The following APH1A variants were observed in gnomAD, a reference collection of about 807,000 sequenced individuals.
APH1A encodes the protein gamma-secretase subunit APH-1A.
A neutral mutation model predicts 30.3 loss-of-function variants in APH1A; 16 were observed. The observed-to-expected ratio is 0.53, with a 90% confidence interval of 0.36 to 0.80. The LOEUF (loss-of-function observed/expected upper bound fraction) is 0.80, where lower values mean the gene tolerates loss of function less well. Ranked by LOEUF, APH1A falls within the 30% of genes least tolerant of loss-of-function variation. APH1A has a pLI of 0.01. For missense variants in APH1A, 245 were observed against 337.8 expected, an observed-to-expected ratio of 0.73 and a Z score of 2.15; for synonymous variants, 144 against 140.1, an observed-to-expected ratio of 1.03 and a Z score of -0.20.
chr1:150,266,713 A>G (rs1382094788), intron 5 of APH1A, 57 bp from the exon 6 acceptor site: 28 of 1,582,864 alleles, frequency 1.8e-5, no homozygotes, highest in African/African-American at 2.7e-5. Flanking sequence ...CCTAATCCCC[A>G]TATTCTCTCT....
Position 150,266,022 on chromosome 1 carries a change from T to C in APH1A, c.*108A>G. The C allele has an allele frequency of 7.5e-7, 1 of 1,328,730 alleles. No individual in the cohort carries two copies. The highest frequency in any genetic ancestry group is 1.0e-6 in the Non-Finnish European group (1 of 977,598). The allele number at this position is 1,328,730 out of a possible 1,614,324, so 82.3% of individuals were successfully genotyped here. On this transcript the variant is annotated 3_prime_UTR_variant, in exon 7 of 7. Coordinates refer to ENST00000369109, the MANE Select transcript of APH1A (RefSeq NM_001077628.3). The stretch of plus-strand genomic sequence containing the variant: ...TTCATCTCCAGGGCAATGGCTAAAC[T>C]AGGTCCCTTTTCTTGGCAACCTGCA...
In APH1A at chr1:150,266,046, C is replaced by A; in HGVS notation, c.*84G>T. ...CTAGGTCCCTTTTCTTGGCAACCTG[C>A]ACTGTCCAGAACTGGAGATGGAGAA... On this transcript the variant is annotated 3_prime_UTR_variant, in exon 7 of 7. Coordinates refer to ENST00000369109, the MANE Select transcript of APH1A (RefSeq NM_001077628.3). The A allele has an allele frequency of 6.7e-7, 1 of 1,489,126 alleles. No homozygotes were observed. The highest frequency in any genetic ancestry group is 1.3e-5 in the South Asian group (1 of 78,336). The allele number at this position is 1,489,126 out of a possible 1,614,324, so 92.2% of individuals were successfully genotyped here. A position where few individuals can be genotyped will look rare whatever the true frequency, so the allele number is the denominator to read the frequency against.
intron 1 of APH1A, 54 bp from the exon 2 acceptor site, chr1:150,268,181 T>A: frequency 3.2e-6 from 5 of 1,580,064 alleles, no homozygotes; most frequent in Non-Finnish European, 4.3e-6. Context: ...GCCAGAGAAA[T>A]CAAGGAGGGA....
intron 1 of APH1A, 141 bp from the exon 2 acceptor site, chr1:150,268,268 G>T: frequency 1.1e-6 from 1 of 930,510 alleles, no homozygotes; most frequent in Non-Finnish European, 1.6e-6. Flanking sequence ...TAGGGTAACT[G>T]TCTCCACCAA....
At chr1:150,266,432 G>T (rs1651718380) in intron 6 of APH1A, 101 bp downstream of exon 6, 3 of 1,579,156 alleles carry the variant, frequency 1.9e-6, no homozygotes, top group Non-Finnish European at 1.7e-6. Flanking sequence ...AGGAGACAGA[G>T]AATGTGGGCA....
At position 150,268,707 on chromosome 1, in the gene APH1A, A is replaced by G; in HGVS notation, c.104T>C (p.Leu35Pro). The change falls in exon 1 of 7, where the codon CTG becomes CCG. Residue 35 changes from leucine to proline, a missense_variant. Coordinates refer to ENST00000369109, the MANE Select transcript of APH1A (RefSeq NM_001077628.3). Reference sequence around the variant, plus strand: ...CGGGCCCTCTACTCACCCTGCGACCAGGATGATAACGCGAAGCGGGTCCCC... The same window carrying G: ...CGGGCCCTCTACTCACCCTGCGACCGGGATGATAACGCGAAGCGGGTCCCC... ...VAGDPLRVII[L>P]VAGAFFWLVS... 6.2e-7 allele frequency: 1 copy of G among 1,612,362 alleles called. No individual in the cohort carries two copies.
chr1:150,267,038 C>T (rs1651785236), intron 5 of APH1A, 37 bp downstream of exon 5: 2 of 1,612,266 alleles, frequency 1.2e-6, no homozygotes, highest in Middle Eastern at 1.6e-4. Flanking sequence ...CCATTAAATG[C>T]TTTTCTCCCT....
Position 150,265,799 on chromosome 1 carries a change from A to C in APH1A, c.*331T>G. The C allele has an allele frequency of 4.0e-6, 1 of 250,372 alleles. No individual in the cohort carries two copies. Among genetic ancestry groups the C allele is most frequent in the Non-Finnish European group, 7.7e-6 (1 of 130,564 alleles). 15.5% of individuals were successfully genotyped at this position (250,372 alleles called of 1,614,324 possible). On this transcript the variant is annotated 3_prime_UTR_variant, in exon 7 of 7. Transcript: ENST00000369109. ...CCATGAGGAGCAACTCGAGGAGAGA[A>C]AATATAGCCCAAGGAGGTTAGAAGA...
Position 150,265,784 on chromosome 1 carries a change from C to T in APH1A, c.*346G>A. ...CCGAAATGAGCCCAGCCATGAGGAG[C>T]AACTCGAGGAGAGAAAATATAGCCC... is the stretch of plus-strand genomic sequence containing the variant. On this transcript the variant is annotated 3_prime_UTR_variant, in exon 7 of 7. Transcript: ENST00000369109. 1 of 222,980 alleles carries T rather than the reference C, an allele frequency of 4.5e-6. No homozygotes were observed. The highest frequency in any genetic ancestry group is 8.8e-6 in the Non-Finnish European group (1 of 113,460). 13.8% of individuals were successfully genotyped at this position (222,980 alleles called of 1,614,324 possible).
chr1:150,266,690 G>T lies in APH1A; in HGVS notation c.610-34C>A, dbSNP rs200581677. ...GAGGGTAAGAGTAGGAAAGAGATTAGATTCTCCCTCGACCTAATCCCCATA... is the reference window on the plus strand; with the variant it reads ...GAGGGTAAGAGTAGGAAAGAGATTATATTCTCCCTCGACCTAATCCCCATA... On this transcript the variant is annotated intron_variant, in intron 5 of 6. Transcript: ENST00000369109. 38 of 1,610,216 alleles carry T rather than the reference G, an allele frequency of 2.4e-5. 1 individual carries two copies. The highest frequency in any genetic ancestry group is 8.4e-5 in the Admixed American group (5 of 59,780).
chr1:150,266,301 C>A, intron 6 of APH1A, 107 bp from the exon 7 acceptor site: 1 of 1,502,902 alleles, frequency 6.7e-7, no homozygotes, highest in Non-Finnish European at 8.9e-7. Context: ...GGGATAAGTG[C>A]AGATTCAAAC....
chr1:150,268,060 C>T lies in APH1A; in HGVS notation c.181G>A (p.Asp61Asn), dbSNP rs377458916. Residue 61 changes from aspartate to asparagine, a missense_variant, in exon 2 of 7, where the codon GAC becomes AAC. Asp to Asn is a conservative substitution (Grantham distance 23, BLOSUM62 1). Transcript: ENST00000369109. ...VVWFILVHVT[D>N]RSDARLQYGL... ...TACTGGAGCCGGGCATCTGACCGGT[C>T]GGTCACATGGACCAAGATGAACCAG... 50 of 1,613,970 alleles carry T rather than the reference C, an allele frequency of 3.1e-5. No homozygotes were observed. The highest frequency in any genetic ancestry group is 1.2e-4 in the Admixed American group (7 of 59,994).
intron 3 of APH1A, 41 bp from the exon 4 acceptor site, chr1:150,267,519 T>A: frequency 6.2e-7 from 1 of 1,610,564 alleles, no homozygotes; most frequent in Non-Finnish European, 8.5e-7. Context: ...GAGATCACAC[T>A]ATTGCCTGTT....
In APH1A at chr1:150,268,911, C is replaced by A; in HGVS notation, c.-101G>T. The A allele has an allele frequency of 9.8e-7, 1 of 1,016,592 alleles. No individual in the cohort carries two copies. 63.0% of individuals were successfully genotyped at this position (1,016,592 alleles called of 1,614,324 possible). On this transcript the variant is annotated 5_prime_UTR_variant, in exon 1 of 7. Coordinates refer to ENST00000369109, the MANE Select transcript of APH1A (RefSeq NM_001077628.3). ...CGCGTGGGGTGGCAACGCGACCCCACGAGGGGCGCGGTGCAATGTCACCCC... is the reference window on the plus strand; with the variant it reads ...CGCGTGGGGTGGCAACGCGACCCCAAGAGGGGCGCGGTGCAATGTCACCCC...
chr1:150,268,954 G>T lies in APH1A; in HGVS notation c.-144C>A, dbSNP rs199642580. On this transcript the variant is annotated 5_prime_UTR_variant, in exon 1 of 7. Coordinates refer to ENST00000369109, the MANE Select transcript of APH1A (RefSeq NM_001077628.3). ...GTCACCCCCAGACCCCGGGGAAGGG[G>T]AAGGGGGGGAACCGAAACCCCAAAT... 5 of 655,568 alleles carry T rather than the reference G, an allele frequency of 7.6e-6. No homozygotes were observed. The highest frequency in any genetic ancestry group is 1.0e-5 in the Non-Finnish European group (4 of 382,484). The allele number at this position is 655,568 out of a possible 1,614,324, so 40.6% of individuals were successfully genotyped here. A position where few individuals can be genotyped will look rare whatever the true frequency, so the allele number is the denominator to read the frequency against.
chr1:150,266,680 A>G (rs1553849988), intron 5 of APH1A, 24 bp from the exon 6 acceptor site: 2 of 1,612,948 alleles, frequency 1.2e-6, no homozygotes, highest in South Asian at 2.2e-5. Context: ...TAAGAGTAGG[A>G]AAGAGATTAG....
Position 150,267,355 on chromosome 1 carries a change from C to T in APH1A, c.481+1G>A, listed in dbSNP as rs113330322. 1.9e-6 allele frequency: 3 copies of T among 1,614,056 alleles called. No homozygotes were observed. ...AAGGCTAGATAGAAGGTGGATCTTA[C>T]CTGAAGTCAGGAAGTAATAGGGTGA... On this transcript the variant is annotated splice_donor_variant, in intron 4 of 6. Transcript: ENST00000369109. LOFTEE classifies it high-confidence loss of function.
Position 150,268,869 on chromosome 1 carries a change from G to A in APH1A, c.-59C>T. On this transcript the variant is annotated 5_prime_UTR_variant, in exon 1 of 7. Transcript: ENST00000369109. ...ACCAGGACAGGCAAATGGGAGGGGC[G>A]CGCCAGCTGGGGAGTCCGCGTGGGG... The A allele has an allele frequency of 2.7e-6, 4 of 1,491,532 alleles. No homozygotes were observed. The highest frequency in any genetic ancestry group is 1.8e-4 in the Middle Eastern group (1 of 5,592). 92.4% of individuals were successfully genotyped at this position (1,491,532 alleles called of 1,614,324 possible). A position where few individuals can be genotyped will look rare whatever the true frequency, so the allele number is the denominator to read the frequency against.
chr1:150,268,646 T>A, intron 1 of APH1A, 52 bp downstream of exon 1: 1 of 1,546,804 alleles, frequency 6.5e-7, no homozygotes, highest in Non-Finnish European at 8.8e-7. Flanking sequence ...TCCAGCCCCT[T>A]CCGCACCTCT....
Sources: allele counts gnomAD v4.1 joint callset, GRCh38; gene constraint gnomAD v4.1.1; transcripts MANE v1.5; gene names NCBI Gene and HGNC (gene_info 2026-07-23, HGNC 2026-07-21).